The following PRKN variants were observed in gnomAD, a reference collection of about 807,000 sequenced individuals.
PRKN encodes the protein parkin RBR E3 ubiquitin protein ligase.
Under a neutral mutation model 59.5 loss-of-function variants are expected in PRKN, and 56 were observed. That is an observed-to-expected ratio of 0.94 (90% CI 0.76 to 1.18). The LOEUF is 1.18. Ranked by LOEUF, PRKN falls within the 50% of genes most tolerant of loss-of-function variation. PRKN has a pLI of 0.00. For missense variants in PRKN, 657 were observed against 596.4 expected (o/e 1.10, Z -1.06); for synonymous variants, 250 against 222.1 (o/e 1.13, Z -1.12).
At chr6:161,406,173 TATAC>T (rs1787266331) in intron 9 of PRKN, among the ~76,000 whole-genome samples, 1 of 151,062 alleles carries the variant, frequency 6.6e-6, no homozygotes, top group South Asian at 2.1e-4. Context: ...TACACATATA[TATAC>T]ATACATATAT....
intron 8 of PRKN, among the ~76,000 whole-genome samples, chr6:161,564,882 C>T (rs865858385): frequency 6.6e-6 from 1 of 152,216 alleles, no homozygotes; most frequent in Admixed American, 6.5e-5. Flanking sequence ...AGACACACAG[C>T]CTCCCTAGGC....
rs34428983 is a variant in PRKN, at chr6:161,358,788, CTTTTTTT to C, written c.1285+1293_1285+1299del. On this transcript the variant is annotated intron_variant, in intron 11 of 11. Transcript: ENST00000366898. The stretch of plus-strand genomic sequence containing the variant: ...TTCCATCCCATCAGTGCCTTCTGCT[CTTTTTTT>C]TTTTTTTTTTTTTTTTTGAGATGGA... Among the ~76,000 whole-genome samples, 60 of 67,816 alleles carry C rather than the reference CTTTTTTT, an allele frequency of 8.8e-4. No individual in the cohort carries two copies. In the East Asian group the frequency reaches 0.011, roughly 13 times the overall value. The allele number at this position is 67,816 out of a possible 152,430, so 44.5% of individuals were successfully genotyped here. A position where few individuals can be genotyped will look rare whatever the true frequency, so the allele number is the denominator to read the frequency against.
In PRKN at chr6:161,646,046, G is replaced by A. The variant is rs574165846; in HGVS notation, c.872-76630C>T. The stretch of plus-strand genomic sequence containing the variant: ...TGGTGACTGCGTGTGCATGCGTGGT[G>A]GAGGAGGCGGCGTATCAGTGACAGT... On this transcript the variant is annotated intron_variant, in intron 7 of 11. Coordinates refer to ENST00000366898, the MANE Select transcript of PRKN (RefSeq NM_004562.3). Among the ~76,000 whole-genome samples, 127 of 105,492 alleles carry A rather than the reference G, an allele frequency of 1.2e-3. 7 individuals carry two copies. Among genetic ancestry groups the A allele is most frequent in the African/African-American group, 3.5e-3 (104 of 29,484 alleles). The allele number at this position is 105,492 out of a possible 152,430, so 69.2% of individuals were successfully genotyped here. A position where few individuals can be genotyped will look rare whatever the true frequency, so the allele number is the denominator to read the frequency against.
intron 1 of PRKN, among the ~76,000 whole-genome samples, chr6:162,619,322 T>C (rs1782561366): frequency 1.3e-5 from 2 of 150,928 alleles, no homozygotes; most frequent in Admixed American, 1.3e-4. Flanking sequence ...TTTAATTTTT[T>C]TTTTTAGTAG....
rs58083987 is a variant in PRKN, at chr6:161,867,740, C to CATTTATTTATTTATTTATTT, written c.735-81852_735-81833dup. ...ATTAGCAATCATGGGAAAAATCTTT[C>CATTTATTTATTTATTTATTT]ATTTATTTATTTATTTATTTATTTA... On this transcript the variant is annotated intron_variant, in intron 6 of 11. Transcript: ENST00000366898. 2.8e-3 allele frequency among the ~76,000 whole-genome samples: 391 copies of CATTTATTTATTTATTTATTT among 137,600 alleles called. 3 individuals carry two copies. Among genetic ancestry groups the CATTTATTTATTTATTTATTT allele is most frequent in the South Asian group, 6.9e-3 (30 of 4,328 alleles). The allele number at this position is 137,600 out of a possible 152,430, so 90.3% of individuals were successfully genotyped here. A position where few individuals can be genotyped will look rare whatever the true frequency, so the allele number is the denominator to read the frequency against.
intron 1 of PRKN, among the ~76,000 whole-genome samples, chr6:162,486,800 T>C (rs926368027): frequency 3.3e-5 from 5 of 152,164 alleles, no homozygotes; most frequent in African/African-American, 4.8e-5. Flanking sequence ...CCAGGCGTGG[T>C]GGCTCATGCC....
intron 9 of PRKN, among the ~76,000 whole-genome samples, chr6:161,528,454 C>T (rs1050711032): frequency 6.6e-6 from 1 of 152,034 alleles, no homozygotes; most frequent in Non-Finnish European, 1.5e-5. Flanking sequence ...CACCAGCACC[C>T]CAGTGAAAAT....
intron 2 of PRKN, among the ~76,000 whole-genome samples, chr6:162,314,670 C>G (rs1430949693): frequency 6.6e-6 from 1 of 152,118 alleles, no homozygotes; most frequent in Non-Finnish European, 1.5e-5. Context: ...AAAGGTATGT[C>G]CAGAACTGAC....
chr6:162,052,973 G>T (rs143655717), intron 5 of PRKN, among the ~76,000 whole-genome samples: 1 of 151,900 alleles, frequency 6.6e-6, no homozygotes. Context: ...ACATGTAAAC[G>T]TATGTAATTA....
chr6:162,144,963 T>C (rs1781959548), intron 4 of PRKN, among the ~76,000 whole-genome samples: 1 of 152,204 alleles, frequency 6.6e-6, no homozygotes, highest in East Asian at 1.9e-4. Flanking sequence ...TTCCCAGAAC[T>C]TAATCAAGGA....
At chr6:162,641,327 G>A (rs1439632698) in intron 1 of PRKN, among the ~76,000 whole-genome samples, 1 of 151,906 alleles carries the variant, frequency 6.6e-6, no homozygotes, top group Non-Finnish European at 1.5e-5. Flanking sequence ...GATAGCATTA[G>A]ATGTAAAAGA....
At chr6:162,587,339 T>C (rs1781104534) in intron 1 of PRKN, among the ~76,000 whole-genome samples, 1 of 152,154 alleles carries the variant, frequency 6.6e-6, no homozygotes, top group Non-Finnish European at 1.5e-5. Context: ...TTTCACTATG[T>C]TGGCCAGGCT....
chr6:162,415,408 A>G (rs1788578857), intron 2 of PRKN, among the ~76,000 whole-genome samples: 1 of 152,228 alleles, frequency 6.6e-6, no homozygotes, highest in South Asian at 2.1e-4. Flanking sequence ...AATCTTCAAA[A>G]GGTAGAAACA....
intron 7 of PRKN, among the ~76,000 whole-genome samples, chr6:161,595,267 A>C (rs1781873392): frequency 6.6e-6 from 1 of 152,168 alleles, no homozygotes; most frequent in Non-Finnish European, 1.5e-5. Context: ...TTTTTCTGGT[A>C]ATCTCTCACA....
intron 5 of PRKN, among the ~76,000 whole-genome samples, chr6:161,997,787 T>G (rs1781900229): frequency 6.6e-6 from 1 of 152,182 alleles, no homozygotes; most frequent in South Asian, 2.1e-4. Context: ...GACAGAGTTA[T>G]CAATATTTTT....
At chr6:162,133,780 G>C (rs1781465126) in intron 4 of PRKN, among the ~76,000 whole-genome samples, 1 of 152,136 alleles carries the variant, frequency 6.6e-6, no homozygotes, top group South Asian at 2.1e-4. Flanking sequence ...GGCGGACTCT[G>C]ATGTCCCAGA....
intron 9 of PRKN, among the ~76,000 whole-genome samples, chr6:161,486,809 T>G (rs1191340738): frequency 3.3e-5 from 5 of 152,208 alleles, no homozygotes; most frequent in Non-Finnish European, 7.3e-5. Flanking sequence ...AATATTAATT[T>G]AAAGCACCAG....
At position 161,527,960 on chromosome 6, in the gene PRKN, A is replaced by G. The variant is rs982331617; in HGVS notation, c.1083+20894T>C. ...TGCTTTTAAACATTTCTTTCCCCCC[A>G]CTTAGTCCCCAGAGACTTAGAGTTA... is the stretch of plus-strand genomic sequence containing the variant. On this transcript the variant is annotated intron_variant, in intron 9 of 11. Transcript: ENST00000366898. This position sits in a 1 kb window ranked among gnomAD's most constrained non-coding sequence, Gnocchi z 4.6. 5.3e-5 allele frequency among the ~76,000 whole-genome samples: 8 copies of G among 152,082 alleles called. No individual in the cohort carries two copies. The highest frequency in any genetic ancestry group is 2.4e-5 in the African/African-American group (1 of 41,418).
At chr6:162,258,374 A>T (rs561036199) in intron 3 of PRKN, among the ~76,000 whole-genome samples, 33 of 152,140 alleles carry the variant, frequency 2.2e-4, no homozygotes, top group Non-Finnish European at 4.1e-4. Context: ...ATATTGGAGG[A>T]GCCTCCTATT....
Sources: gnomAD v4.1 joint callset for allele counts (sites outside exome capture counted in the v4.1 genomes callset) on GRCh38, gnomAD v4.1.1 for gene constraint, Gnocchi (gnomAD v3.1) non-coding constraint, MANE v1.5 for transcripts, NCBI Gene and HGNC (gene_info 2026-07-23, HGNC 2026-07-21) for gene names.